The following LRBA variants were observed in gnomAD, a reference collection of about 807,000 sequenced individuals.
LRBA encodes the protein lipopolysaccharide-responsive and beige-like anchor protein.
LRBA carries 176 observed loss-of-function variants against 330.0 expected under a neutral mutation model. That is an observed-to-expected ratio of 0.53 (90% confidence interval 0.47 to 0.60). LRBA has a LOEUF of 0.60. Ranked by LOEUF, LRBA falls within the 20% of genes least tolerant of loss-of-function variation. The probability of loss-of-function intolerance (pLI) is 0.00; values close to 1 mark genes in which losing one functional copy is unlikely to be tolerated. For synonymous variants in LRBA, 1,230 were observed against 1,193.0 expected (o/e 1.03, Z -0.64); for missense variants, 3,259 against 3,444.8 (o/e 0.95, Z 1.35).
intron 37 of LRBA, among the ~76,000 whole-genome samples, chr4:150,650,121 G>A (rs1327423822): frequency 6.6e-6 from 1 of 152,164 alleles, no homozygotes; most frequent in African/African-American, 2.4e-5. Context: ...GAGGTTAAGT[G>A]ACTCGTTCAA....
At chr4:150,573,361 A>G (rs181764111) in intron 40 of LRBA, among the ~76,000 whole-genome samples, 33 of 152,308 alleles carry the variant, frequency 2.2e-4, no homozygotes, top group Admixed American at 2.2e-3. Context: ...CTCATCTCTC[A>G]GTCTTTTAGG....
At chr4:150,449,522 GAA>G (rs767614620) in intron 44 of LRBA, among the ~76,000 whole-genome samples, 7 of 106,562 alleles carry the variant, frequency 6.6e-5, no homozygotes, top group Admixed American at 1.0e-4. Context: ...TCTACTTCTG[GAA>G]AAAAAAAAAA....
At chr4:150,348,006 T>A (rs773418002) in intron 48 of LRBA, among the ~76,000 whole-genome samples, 2 of 152,186 alleles carry the variant, frequency 1.3e-5, no homozygotes, top group Admixed American at 1.3e-4. Flanking sequence ...AGCATTTAGT[T>A]CCTTAGTCAC....
chr4:150,742,017 A>G (rs73859222), intron 35 of LRBA, among the ~76,000 whole-genome samples: 13,483 of 152,076 alleles, frequency 0.089, 1,037 homozygotes, highest in African/African-American at 0.22. Context: ...TATCAACAGA[A>G]TGATTCACTT....
At chr4:150,726,128 G>A (rs1729634477) in intron 36 of LRBA, among the ~76,000 whole-genome samples, 2 of 152,150 alleles carry the variant, frequency 1.3e-5, no homozygotes, top group Non-Finnish European at 2.9e-5. Context: ...CAAAATGGCA[G>A]TAGTAAGTCT....
chr4:150,644,952 A>C (rs1452673062), intron 37 of LRBA, among the ~76,000 whole-genome samples: 1 of 151,806 alleles, frequency 6.6e-6, no homozygotes, highest in Non-Finnish European at 1.5e-5. Context: ...CCCTGCAAAA[A>C]ATATTGGAAT....
chr4:150,743,687 T>C (rs1040239508), intron 35 of LRBA, among the ~76,000 whole-genome samples: 10 of 152,210 alleles, frequency 6.6e-5, no homozygotes, highest in Non-Finnish European at 1.3e-4. Flanking sequence ...CTCACCATAC[T>C]ACACTGAGTT....
Position 150,325,832 on chromosome 4 carries a change from G to A in LRBA, c.7429C>T (p.Pro2477Ser), listed in dbSNP as rs776250274. The A allele has an allele frequency of 8.7e-6, 14 of 1,613,390 alleles. No individual in the cohort carries two copies. In the Admixed American group the frequency reaches 2.2e-4, roughly 25 times the overall value. Residue 2477 changes from proline to serine, a missense_variant, in exon 49 of 57, where the codon CCC becomes TCC. Coordinates refer to ENST00000651943, the MANE Select transcript of LRBA (RefSeq NM_001364905.1). ...ACCACTTGCATGGCAGAACCTCTGG[G>A]AGGATGGGGCTCTATGAGTAGTTGA... ...PSQLLIEPHP[P>S]RGSAMQVSPL... is the part of the protein sequence containing the mutation.
chr4:150,908,801 A>C lies in LRBA; in HGVS notation c.1218T>G (p.Leu406=). Reference sequence around the variant, plus strand: ...TAGAGAGTTTCCCATCGTACAATAAAAGTTTGTGATGCTCAGCAAGGAAAA... The same window carrying C: ...TAGAGAGTTTCCCATCGTACAATAACAGTTTGTGATGCTCAGCAAGGAAAA... ...SDLFLAEHHK[L]LLYDGKLSSA... Residue 406 remains leucine (L), a synonymous_variant, in exon 10 of 57, where the codon CTT becomes CTG. Transcript: ENST00000651943. 1 of 1,613,866 alleles carries C rather than the reference A, an allele frequency of 6.2e-7. No homozygotes were observed. Among genetic ancestry groups the C allele is most frequent in the Non-Finnish European group, 8.5e-7 (1 of 1,179,888 alleles).
chr4:150,966,475 A>AT (rs36013649), intron 2 of LRBA, among the ~76,000 whole-genome samples: 19,005 of 114,470 alleles, frequency 0.17, 2,183 homozygotes, highest in African/African-American at 0.32. Flanking sequence ...CACCCAGCTA[A>AT]TTTTTTTTTT....
intron 53 of LRBA, among the ~76,000 whole-genome samples, chr4:150,288,031 G>A (rs1286558421): frequency 2.7e-5 from 4 of 148,304 alleles, no homozygotes; most frequent in African/African-American, 1.0e-4. Context: ...TCACTCTGTC[G>A]CCCAGGCTGG....
chr4:150,878,463 G>A (rs1405927931), intron 17 of LRBA, among the ~76,000 whole-genome samples: 1 of 151,578 alleles, frequency 6.6e-6, no homozygotes, highest in Non-Finnish European at 1.5e-5. Context: ...TAACCCCAAA[G>A]CTACCAGAAG....
chr4:150,753,947 G>C (rs954829266), intron 35 of LRBA, among the ~76,000 whole-genome samples: 9 of 151,782 alleles, frequency 5.9e-5, no homozygotes, highest in Admixed American at 2.0e-4. Flanking sequence ...AGCACCTGTA[G>C]TCCCAGGTAC....
chr4:150,369,427 T>C (rs1363508300), intron 47 of LRBA, among the ~76,000 whole-genome samples: 6 of 152,188 alleles, frequency 3.9e-5, no homozygotes, highest in Admixed American at 3.3e-4. Context: ...TGCCTTTTTA[T>C]AGGTAAATGT....
intron 53 of LRBA, among the ~76,000 whole-genome samples, chr4:150,293,801 C>T (rs1728627207): frequency 6.6e-6 from 1 of 152,182 alleles, no homozygotes; most frequent in Non-Finnish European, 1.5e-5. Context: ...GACAGCAAGA[C>T]CAGCCCTCTG....
intron 17 of LRBA, among the ~76,000 whole-genome samples, chr4:150,885,986 C>G (rs1461424354): frequency 1.3e-5 from 2 of 151,628 alleles, no homozygotes; most frequent in African/African-American, 4.8e-5. Flanking sequence ...TGTAAAACCA[C>G]TAATAAAAGA....
intron 17 of LRBA, among the ~76,000 whole-genome samples, chr4:150,887,056 T>C (rs1317804482): frequency 6.6e-6 from 1 of 152,234 alleles, no homozygotes; most frequent in Non-Finnish European, 1.5e-5. Flanking sequence ...GAATATTATA[T>C]GTTATATGCA....
intron 48 of LRBA, among the ~76,000 whole-genome samples, chr4:150,326,542 C>T (rs1054803395): frequency 3.9e-5 from 6 of 152,208 alleles, no homozygotes; most frequent in Admixed American, 3.3e-4. Flanking sequence ...TTGCAAGGCA[C>T]TCTCCTACTA....
intron 44 of LRBA, among the ~76,000 whole-genome samples, chr4:150,456,635 G>GT (rs1286609354): frequency 1.3e-5 from 2 of 151,988 alleles, no homozygotes; most frequent in African/African-American, 4.8e-5. Context: ...TGTCTCTTCA[G>GT]TTTTTTATTG....
Sources: allele counts gnomAD v4.1 joint callset (sites outside exome capture counted in the v4.1 genomes callset), GRCh38; gene constraint gnomAD v4.1.1; transcripts MANE v1.5; gene names NCBI Gene and HGNC (gene_info 2026-07-23, HGNC 2026-07-21).